TBCEL: variants seen among roughly 807,000 people sequenced by gnomAD.
TBCEL encodes tubulin folding cofactor E like, also known as tubulin-specific chaperone cofactor E-like protein.
TBCEL carries 15 observed loss-of-function variants against 44.2 expected under a neutral mutation model. The observed-to-expected ratio is 0.34, with a 90% CI of 0.23 to 0.52. The LOEUF is 0.52. Ranked by LOEUF, TBCEL falls within the 20% of genes least tolerant of loss-of-function variation. The pLI is 0.95. For missense variants in TBCEL, 319 were observed against 506.3 expected, an observed-to-expected ratio of 0.63 and a Z score of 3.55; for synonymous variants, 171 against 185.4, an observed-to-expected ratio of 0.92 and a Z score of 0.63.
chr11:121,080,017 A>C (rs1027328479), intron 8 of TBCEL, among the ~76,000 whole-genome samples: 1 of 151,932 alleles, frequency 6.6e-6, no homozygotes. Context: ...GGGTTTCACC[A>C]TGTTGGCCAG....
intron 1 of TBCEL, among the ~76,000 whole-genome samples, chr11:121,030,233 G>C (rs1023450574): frequency 6.6e-6 from 1 of 152,186 alleles, no homozygotes; most frequent in Non-Finnish European, 1.5e-5. Context: ...AGAAAACCAC[G>C]GAGGCTGAGT....
At chr11:121,041,748 C>G (rs1945336612) in intron 2 of TBCEL, among the ~76,000 whole-genome samples, 1 of 151,778 alleles carries the variant, frequency 6.6e-6, no homozygotes, top group Non-Finnish European at 1.5e-5. Context: ...CAAACTGCCC[C>G]AACAGATTTT....
chr11:121,034,770 G>A (rs1481226185), intron 1 of TBCEL, among the ~76,000 whole-genome samples: 1 of 152,168 alleles, frequency 6.6e-6, no homozygotes, highest in Non-Finnish European at 1.5e-5. Flanking sequence ...AAGATGACAT[G>A]CCAGTATGTG....
intron 6 of TBCEL, among the ~76,000 whole-genome samples, chr11:121,056,285 C>G (rs1314118002): frequency 6.6e-6 from 1 of 151,860 alleles, no homozygotes; most frequent in Non-Finnish European, 1.5e-5. Flanking sequence ...TTTAAGTCCT[C>G]CATGCCTTTT....
chr11:121,029,601 A>G (rs1291289155), intron 1 of TBCEL, among the ~76,000 whole-genome samples: 2 of 152,234 alleles, frequency 1.3e-5, no homozygotes, highest in Non-Finnish European at 2.9e-5. Context: ...GTGCTCTTCT[A>G]AAAATGAAAT....
At chr11:121,041,107 A>G (rs1945324790) in intron 2 of TBCEL, among the ~76,000 whole-genome samples, 2 of 152,158 alleles carry the variant, frequency 1.3e-5, no homozygotes, top group Admixed American at 1.3e-4. Context: ...ATAAGTATTG[A>G]CTTGCATACT....
intron 4 of TBCEL, among the ~76,000 whole-genome samples, chr11:121,050,533 AT>A (rs201762650): frequency 3.3e-5 from 5 of 150,222 alleles, no homozygotes; most frequent in East Asian, 1.9e-4. Context: ...AAAATAATGC[AT>A]TTTTTTTTAG....
chr11:121,038,990 C>T (rs182202339), intron 2 of TBCEL, among the ~76,000 whole-genome samples: 1 of 152,174 alleles, frequency 6.6e-6, no homozygotes, highest in East Asian at 1.9e-4. Context: ...CATTTTTGAC[C>T]TCTCTCTATT....
intron 8 of TBCEL, among the ~76,000 whole-genome samples, chr11:121,066,791 A>G (rs948891793): frequency 1.3e-5 from 2 of 152,184 alleles, no homozygotes; most frequent in African/African-American, 2.4e-5. Flanking sequence ...CTAAAATGTC[A>G]ATGAATAGCA....
In TBCEL at chr11:121,060,010, A is replaced by T; in HGVS notation, c.881A>T (p.Asp294Val). Residue 294 changes from aspartate to valine, a missense_variant, in exon 8 of 9, where the codon GAT (aspartate) becomes GTT (valine). Transcript: ENST00000683345. Reference protein sequence around the residue: ...VSKLNGSVVTDGEREDSERFF... With the variant: ...VSKLNGSVVTVGEREDSERFF... ...AAACTTAATGGCAGCGTTGTTACTG[A>T]TGGTGAACGAGAAGATTCTGAGAGA... 1 of 1,611,502 alleles carries T rather than the reference A, an allele frequency of 6.2e-7. No homozygotes were observed. The highest frequency in any genetic ancestry group is 8.5e-7 in the Non-Finnish European group (1 of 1,178,474).
chr11:121,030,030 A>G lies in TBCEL; in HGVS notation c.-126+5739A>G, dbSNP rs545003468. On this transcript the variant is annotated intron_variant, in intron 1 of 8. Coordinates refer to ENST00000683345, the MANE Select transcript of TBCEL (RefSeq NM_001363644.2). ...ATAAAGAATGACAGAGGGTGAAGTG[A>G]CTATGAGTGATGGTGGCAGTAGTGC... 2.1e-3 allele frequency among the ~76,000 whole-genome samples: 315 copies of G among 152,290 alleles called. 1 individual carries two copies. Among genetic ancestry groups the G allele is most frequent in the Non-Finnish European group, 3.6e-3 (245 of 68,018 alleles).
chr11:121,058,202 G>A (rs1160324934), intron 6 of TBCEL, 143 bp from the exon 7 acceptor site: 2 of 1,003,110 alleles, frequency 2.0e-6, no homozygotes, highest in Non-Finnish European at 2.8e-6. Flanking sequence ...CTCTTGCCTT[G>A]GATGAAGAAA....
rs1432309427 is a variant in TBCEL, at chr11:121,089,452, GAAT to G, written c.*2360_*2362del. Reference sequence around the variant, plus strand: ...GTAATTGATGGTTTTAATAATTGCTGAATAATTTTTGATTAAGAGAAAAATGTA... The same window carrying G: ...GTAATTGATGGTTTTAATAATTGCTGAATTTTTGATTAAGAGAAAAATGTA... On this transcript the variant is annotated 3_prime_UTR_variant, in exon 9 of 9. Transcript: ENST00000683345. The G allele has an allele frequency of 2.6e-5, 4 of 152,224 alleles. No individual in the cohort carries two copies. Among genetic ancestry groups the G allele is most frequent in the African/African-American group, 9.6e-5 (4 of 41,542 alleles). The allele number at this position is 152,224 out of a possible 1,614,324, so 9.4% of individuals were successfully genotyped here. A position where few individuals can be genotyped will look rare whatever the true frequency, so the allele number is the denominator to read the frequency against.
chr11:121,064,984 C>A (rs1029036617), intron 8 of TBCEL, among the ~76,000 whole-genome samples: 1 of 152,052 alleles, frequency 6.6e-6, no homozygotes, highest in Non-Finnish European at 1.5e-5. Flanking sequence ...CGCCACCACG[C>A]CCAGCTAATT....
intron 8 of TBCEL, among the ~76,000 whole-genome samples, chr11:121,084,251 G>C (rs1946176064): frequency 6.6e-6 from 1 of 152,088 alleles, no homozygotes; most frequent in Non-Finnish European, 1.5e-5. Flanking sequence ...CATTCTTTCT[G>C]ATTCATTTAT....
chr11:121,078,750 C>T (rs930932111), intron 8 of TBCEL, among the ~76,000 whole-genome samples: 6 of 152,304 alleles, frequency 3.9e-5, no homozygotes, highest in Non-Finnish European at 7.3e-5. Context: ...CTTACTGCTT[C>T]TGCTGCTCTA....
chr11:121,063,497 T>G (rs1037951334), intron 8 of TBCEL, among the ~76,000 whole-genome samples: 4 of 152,214 alleles, frequency 2.6e-5, no homozygotes, highest in African/African-American at 9.7e-5. Flanking sequence ...CATTTCTCCT[T>G]TATTTCCATA....
At chr11:121,033,758 TTTC>T (rs1945183094) in intron 1 of TBCEL, among the ~76,000 whole-genome samples, 1 of 152,172 alleles carries the variant, frequency 6.6e-6, no homozygotes, top group East Asian at 1.9e-4. Flanking sequence ...AGCTTCAGAA[TTTC>T]TTCTTTTTCC....
At chr11:121,033,966 C>G (rs1404405602) in intron 1 of TBCEL, among the ~76,000 whole-genome samples, 1 of 152,024 alleles carries the variant, frequency 6.6e-6, no homozygotes, top group Non-Finnish European at 1.5e-5. Context: ...TAGCATGTGT[C>G]AAATTTTTTT....
Sources: gnomAD v4.1 joint callset for allele counts (sites outside exome capture counted in the v4.1 genomes callset) on GRCh38, gnomAD v4.1.1 for gene constraint, MANE v1.5 for transcripts, NCBI Gene and HGNC (gene_info 2026-07-23, HGNC 2026-07-21) for gene names.